Variants in VPS41 observed in about 807,000 individuals in gnomAD.
VPS41 encodes VPS41 subunit of HOPS complex.
Under a neutral mutation model 130.9 loss-of-function variants are expected in VPS41, and 85 were observed. The ratio of observed to expected loss-of-function variants is 0.65; its 90% CI spans 0.55 to 0.78. VPS41 has a LOEUF of 0.78. Ranked by LOEUF, VPS41 falls within the 30% of genes least tolerant of loss-of-function variation. The pLI, the probability that VPS41 is intolerant of heterozygous loss-of-function variation, is 0.00. For missense variants in VPS41, 874 were observed against 1,018.7 expected, an observed-to-expected ratio of 0.86 and a Z score of 1.93; for synonymous variants, 335 against 332.9, an observed-to-expected ratio of 1.01 and a Z score of -0.07.
chr7:38,736,821 T>C (rs982899062), intron 25 of VPS41, among the ~76,000 whole-genome samples: 13 of 152,234 alleles, frequency 8.5e-5, no homozygotes, highest in African/African-American at 2.9e-4. Flanking sequence ...ATTTGTCTTA[T>C]ACATGGATTA....
At chr7:38,760,664 A>G (rs1783891935) in intron 17 of VPS41, among the ~76,000 whole-genome samples, 1 of 152,082 alleles carries the variant, frequency 6.6e-6, no homozygotes, top group South Asian at 2.1e-4. Flanking sequence ...AAAGCACAGG[A>G]CACAGACCCT....
chr7:38,868,218 G>A (rs962405272), intron 3 of VPS41, among the ~76,000 whole-genome samples: 6 of 152,196 alleles, frequency 3.9e-5, no homozygotes, highest in African/African-American at 1.4e-4. Flanking sequence ...ACCAGAAGTT[G>A]GAGAATGGCA....
At chr7:38,748,793 A>G (rs1025931899) in intron 22 of VPS41, among the ~76,000 whole-genome samples, 3 of 152,134 alleles carry the variant, frequency 2.0e-5, no homozygotes, top group Admixed American at 2.0e-4. Flanking sequence ...ATTCCCCAAC[A>G]TAGTGGAAAA....
At position 38,743,452 on chromosome 7, in the gene VPS41, T is replaced by A; in HGVS notation, c.2072A>T (p.Asp691Val). 1.9e-6 allele frequency: 3 copies of A among 1,614,050 alleles called. No homozygotes were observed. The highest frequency in any genetic ancestry group is 2.5e-6 in the Non-Finnish European group (3 of 1,179,912). Residue 691 changes from aspartate (D) to valine (V), a missense_variant, in exon 24 of 29, where the codon GAT (aspartate) becomes GTT (valine). Asp to Val is a radical substitution (Grantham distance 152). Coordinates refer to ENST00000310301, the MANE Select transcript of VPS41 (RefSeq NM_014396.4). ...CAAATCTTCCCACAGCTCTCCATCA[T>A]CTTGCTCCTTGGCAAATTCGATTGC... ...DKAIEFAKEQ[D>V]DGELWEDLIL...
intron 2 of VPS41, among the ~76,000 whole-genome samples, chr7:38,882,134 G>A (rs1786622327): frequency 6.6e-6 from 1 of 151,888 alleles, no homozygotes; most frequent in Admixed American, 6.6e-5. Flanking sequence ...ACCACCACAA[G>A]TCACCACAAG....
At chr7:38,731,788 A>C (rs920797275) in intron 25 of VPS41, among the ~76,000 whole-genome samples, 2 of 152,184 alleles carry the variant, frequency 1.3e-5, no homozygotes, top group Non-Finnish European at 2.9e-5. Context: ...AAATATTAAA[A>C]AAAAACTGAA....
chr7:38,853,418 C>CAAAAAA (rs57368681), intron 4 of VPS41, among the ~76,000 whole-genome samples: 2 of 78,920 alleles, frequency 2.5e-5, no homozygotes, highest in East Asian at 4.2e-4. Context: ...GACTCCTTCT[C>CAAAAAA]AAAAAAAAAA....
At chr7:38,777,973 T>TTAG (rs1248760452) in intron 10 of VPS41, among the ~76,000 whole-genome samples, 1 of 152,260 alleles carries the variant, frequency 6.6e-6, no homozygotes, top group Non-Finnish European at 1.5e-5. Flanking sequence ...TGCAGATTAC[T>TTAG]TAGTGTTCCT....
At chr7:38,882,736 C>T (rs1414960679) in intron 2 of VPS41, among the ~76,000 whole-genome samples, 2 of 152,242 alleles carry the variant, frequency 1.3e-5, no homozygotes, top group African/African-American at 4.8e-5. Context: ...CTTTCACTTA[C>T]ATGCCCACAT....
chr7:38,885,942 C>G (rs1786719824), intron 2 of VPS41, among the ~76,000 whole-genome samples: 1 of 152,014 alleles, frequency 6.6e-6, no homozygotes, highest in African/African-American at 2.4e-5. Context: ...TGACACAAGA[C>G]AGAACCACTG....
At chr7:38,906,216 C>G (rs751921257) in intron 1 of VPS41, among the ~76,000 whole-genome samples, 2 of 152,112 alleles carry the variant, frequency 1.3e-5, no homozygotes, top group African/African-American at 4.8e-5. Context: ...AGAGAAAAGC[C>G]TAACCATTTT....
intron 4 of VPS41, among the ~76,000 whole-genome samples, chr7:38,841,884 G>GT (rs1785615630): frequency 6.6e-6 from 1 of 152,150 alleles, no homozygotes; most frequent in Non-Finnish European, 1.5e-5. Flanking sequence ...GATTACAGGC[G>GT]TGAGCCACTG....
intron 4 of VPS41, among the ~76,000 whole-genome samples, chr7:38,840,308 G>A (rs919281230): frequency 1.7e-4 from 26 of 152,150 alleles, no homozygotes; most frequent in Admixed American, 1.4e-3. Context: ...CGACAAAAGC[G>A]AAATCCATCA....
intron 12 of VPS41, among the ~76,000 whole-genome samples, chr7:38,773,378 T>C (rs1200559214): frequency 6.6e-6 from 1 of 152,192 alleles, no homozygotes. Context: ...CTTATGTTTT[T>C]CAATGGATTA....
rs760327026 is a variant in VPS41 at position 38,756,918 on chromosome 7, C to T, written c.1615G>A (p.Val539Ile). The change falls in exon 19 of 29, where the codon GTT becomes ATT. Residue 539 changes from valine to isoleucine, a missense_variant. By Grantham distance (29) the Val-to-Ile change is conservative. Coordinates refer to ENST00000310301, the MANE Select transcript of VPS41 (RefSeq NM_014396.4). ...EIYLTLRHKDVFQLIHKHNLF... is the reference protein window; with the variant it reads ...EIYLTLRHKDIFQLIHKHNLF... ...TTATGCTTGTGGATCAACTGAAAAACGTCTTTATGTCTTAATGTTAAGTAT... is the reference window on the plus strand; with the variant it reads ...TTATGCTTGTGGATCAACTGAAAAATGTCTTTATGTCTTAATGTTAAGTAT... The T allele has an allele frequency of 5.6e-6, 9 of 1,600,104 alleles. No individual in the cohort carries two copies. Among genetic ancestry groups the T allele is most frequent in the African/African-American group, 2.7e-5 (2 of 74,680 alleles).
intron 25 of VPS41, 32 bp from the exon 26 acceptor site, chr7:38,728,823 T>G: frequency 6.3e-7 from 1 of 1,595,732 alleles, no homozygotes; most frequent in Non-Finnish European, 8.6e-7. Context: ...AAAAGCCATC[T>G]TAAGTAGACT....
At chr7:38,755,802 G>A (rs1416424177) in intron 19 of VPS41, among the ~76,000 whole-genome samples, 2 of 152,012 alleles carry the variant, frequency 1.3e-5, no homozygotes, top group African/African-American at 4.8e-5. Flanking sequence ...AATGGAAGGG[G>A]GTGCATGAGG....
Position 38,792,290 on chromosome 7 carries a change from G to A in VPS41, c.718-2423C>T, listed in dbSNP as rs538972165. ...TGTAAGAGCCCTTTACCACTGATAG[G>A]TGGGTTCTTGCCCATGAACTCTAAT... On this transcript the variant is annotated intron_variant, in intron 9 of 28. Coordinates refer to ENST00000310301, the MANE Select transcript of VPS41 (RefSeq NM_014396.4). 3.3e-5 allele frequency among the ~76,000 whole-genome samples: 5 copies of A among 152,308 alleles called. No individual in the cohort carries two copies. In the South Asian group the frequency reaches 8.3e-4, roughly 25 times the overall value.
In VPS41 at chr7:38,869,182, C is replaced by T; in HGVS notation, c.132G>A (p.Gln44=). The T allele has an allele frequency of 6.2e-7, 1 of 1,611,740 alleles. No homozygotes were observed. Residue 44 remains glutamine (Q), a synonymous_variant, in exon 3 of 29, where the codon CAG becomes CAA. Transcript: ENST00000310301. ...RLSNGVTEIL[Q]KDAASCMTVH... ...CTGTCATGCAGCTAGCTGCATCCTTCTGAAGTATTTCAGTTACCCCATTGG... is the reference window on the plus strand; with the variant it reads ...CTGTCATGCAGCTAGCTGCATCCTTTTGAAGTATTTCAGTTACCCCATTGG...
Sources: allele counts gnomAD v4.1 joint callset (sites outside exome capture counted in the v4.1 genomes callset), GRCh38; gene constraint gnomAD v4.1.1; transcripts MANE v1.5; gene names NCBI Gene and HGNC (gene_info 2026-07-23, HGNC 2026-07-21).